PER3: variants seen among roughly 807,000 people sequenced by gnomAD.
PER3 encodes the protein period circadian protein homolog 3.
Under a neutral mutation model 127.2 loss-of-function variants are expected in PER3, and 107 were observed. The ratio of observed to expected loss-of-function variants is 0.84; its 90% CI spans 0.72 to 0.99. The LOEUF (loss-of-function observed/expected upper bound fraction) is 0.99. Among genes scored for constraint, PER3 ranks in the 50% least tolerant of loss-of-function variants. The probability of loss-of-function intolerance (pLI) is 0.00; values close to 1 mark genes in which losing one functional copy is unlikely to be tolerated. For missense variants in PER3, 1,560 were observed against 1,525.8 expected, an observed-to-expected ratio of 1.02 and a Z score of -0.37; for synonymous variants, 618 against 585.8, an observed-to-expected ratio of 1.05 and a Z score of -0.79.
intron 10 of PER3, among the ~76,000 whole-genome samples, chr1:7,806,813 ATAT>A (rs372902664): frequency 3.0e-3 from 134 of 44,060 alleles, no homozygotes; most frequent in Admixed American, 5.3e-3. Context: ...AAAAAAAAAA[ATAT>A]ATATATATAT....
At chr1:7,800,093 T>C (rs908714966) in intron 7 of PER3, among the ~76,000 whole-genome samples, 4 of 152,030 alleles carry the variant, frequency 2.6e-5, no homozygotes, top group African/African-American at 9.7e-5. Flanking sequence ...TATTTGTAAG[T>C]GGTTCCTTTG....
chr1:7,820,708 G>A, intron 16 of PER3, 68 bp downstream of exon 16: 1 of 1,298,694 alleles, frequency 7.7e-7, no homozygotes, highest in South Asian at 1.5e-5. Flanking sequence ...GAAAACAAAA[G>A]TCATGAATAC....
At position 7,784,884 on chromosome 1, in the gene PER3, C is replaced by A; in HGVS notation, c.7C>A (p.Arg3Ser). ...GCCCCGCGGAGACCTCGAGATGCCC[C>A]GCGGGGAAGCTCCTGGCCCCGGGAG... MP[R>S]GEAPGPGRRG... The change falls in exon 2 of 22, where the codon CGC becomes AGC. Residue 3 changes from arginine (R) to serine (S), a missense_variant. Coordinates refer to ENST00000377532, the MANE Select transcript of PER3 (RefSeq NM_001377275.1). 6.6e-7 allele frequency: 1 copy of A among 1,508,688 alleles called. No individual in the cohort carries two copies. Among genetic ancestry groups the A allele is most frequent in the South Asian group, 1.4e-5 (1 of 74,068 alleles). The allele number at this position is 1,508,688 out of a possible 1,614,324, so 93.5% of individuals were successfully genotyped here.
chr1:7,830,888 C>T (rs868212192), intron 19 of PER3, among the ~76,000 whole-genome samples: 1 of 152,174 alleles, frequency 6.6e-6, no homozygotes, highest in South Asian at 2.1e-4. Flanking sequence ...TCAAGTAAGT[C>T]TTGAAGCGTG....
intron 10 of PER3, among the ~76,000 whole-genome samples, chr1:7,806,853 C>G (rs2097197157): frequency 7.1e-6 from 1 of 141,240 alleles, no homozygotes; most frequent in East Asian, 2.3e-4. Flanking sequence ...CACACACACA[C>G]ATACATACAC....
intron 13 of PER3, among the ~76,000 whole-genome samples, chr1:7,811,909 C>T (rs567925711): frequency 3.3e-5 from 5 of 152,268 alleles, no homozygotes; most frequent in African/African-American, 9.6e-5. Context: ...TCTGCTGTTA[C>T]ATGTAAGGGC....
In PER3 at chr1:7,839,410, T is replaced by C. The variant is rs1267249157; in HGVS notation, c.3549+2261T>C. On this transcript the variant is annotated intron_variant, in intron 21 of 21. Transcript: ENST00000377532. ...ATAGACTACTAGTTTTCTTTGAATG[T>C]ATTAGTTTCTTAAATCATGTAGAAA... Among the ~76,000 whole-genome samples, 7 of 152,268 alleles carry C rather than the reference T, an allele frequency of 4.6e-5. 1 individual carries two copies. The highest frequency in any genetic ancestry group is 1.7e-4 in the African/African-American group (7 of 41,468).
Position 7,784,664 on chromosome 1 carries a change from T to A in PER3, c.-214T>A. 2.1e-6 allele frequency: 1 copy of A among 473,248 alleles called. No homozygotes were observed. Among genetic ancestry groups the A allele is most frequent in the Non-Finnish European group, 3.6e-6 (1 of 274,806 alleles). The allele number at this position is 473,248 out of a possible 1,614,324, so 29.3% of individuals were successfully genotyped here. Reference sequence around the variant, plus strand: ...GTCTCCTCCCCCTAGGCCGGAGTCCTGAAAGTCGAGCGAGCTCCGGGTTTT... The same window carrying A: ...GTCTCCTCCCCCTAGGCCGGAGTCCAGAAAGTCGAGCGAGCTCCGGGTTTT... On this transcript the variant is annotated 5_prime_UTR_variant, in exon 2 of 22. Coordinates refer to ENST00000377532, the MANE Select transcript of PER3 (RefSeq NM_001377275.1).
At chr1:7,812,948 G>C (rs2097227265) in intron 13 of PER3, among the ~76,000 whole-genome samples, 1 of 152,188 alleles carries the variant, frequency 6.6e-6, no homozygotes, top group Non-Finnish European at 1.5e-5. Context: ...GTTAGAAATT[G>C]ACTAGAGATG....
At chr1:7,828,441 T>A (rs1235380389) in intron 18 of PER3, among the ~76,000 whole-genome samples, 1 of 152,252 alleles carries the variant, frequency 6.6e-6, no homozygotes, top group Non-Finnish European at 1.5e-5. Flanking sequence ...CTTTGGAATC[T>A]GACGTTCCTA....
rs781334388 is a variant in PER3, at chr1:7,786,722, A to G, written c.276A>G (p.Ala92=). 7 of 1,555,676 alleles carry G rather than the reference A, an allele frequency of 4.5e-6. No individual in the cohort carries two copies. In the Admixed American group the frequency reaches 1.0e-4, roughly 22 times the overall value. Reference sequence around the variant, plus strand: ...TGTTTATCTCCCTGTGTTTCTTAGCAAACAGTGAGTTTTTCCAGATTCTCA... The same window carrying G: ...TGTTTATCTCCCTGTGTTTCTTAGCGAACAGTGAGTTTTTCCAGATTCTCA... ...YALRCVHSVQ[A]NSEFFQILSQ... Residue 92 remains alanine (A), a splice_region_variant and synonymous_variant, in exon 4 of 22, where the codon GCA becomes GCG. Transcript: ENST00000377532.
rs1247786614 is a variant in PER3 at position 7,827,515 on chromosome 1, C to T, written c.2586C>T (p.Asp862=). ...LDTFMTVFLP[D]PPVCPLLSPS... is the part of the protein sequence containing the mutation. ...CTTTTATGACCGTTTTCCTGCCTGA[C>T]CCCCCTGTCTGTCCTCTGTTGTCGC... The change falls in exon 18 of 22, where the codon GAC becomes GAT. Residue 862 remains aspartate (D), a synonymous_variant. Transcript: ENST00000377532. 7 of 1,614,024 alleles carry T rather than the reference C, an allele frequency of 4.3e-6. No homozygotes were observed. The highest frequency in any genetic ancestry group is 1.7e-5 in the Admixed American group (1 of 60,006).
chr1:7,805,068 A>T (rs1461331247), intron 10 of PER3, among the ~76,000 whole-genome samples: 2 of 152,044 alleles, frequency 1.3e-5, no homozygotes. Context: ...AGGTTTCACC[A>T]TGTTGGCCAG....
rs186296520 is a variant in PER3, at chr1:7,790,110, T to G, written c.592+1864T>G. On this transcript the variant is annotated intron_variant, in intron 5 of 21. Coordinates refer to ENST00000377532, the MANE Select transcript of PER3 (RefSeq NM_001377275.1). Reference sequence around the variant, plus strand: ...TCCCCAGGTATTTTTCCTTCAGCACTGCCTGTGGCTTTTCAGCCTTTTCAT... The same window carrying G: ...TCCCCAGGTATTTTTCCTTCAGCACGGCCTGTGGCTTTTCAGCCTTTTCAT... Among the ~76,000 whole-genome samples, 4 of 152,388 alleles carry G rather than the reference T, an allele frequency of 2.6e-5. No homozygotes were observed. The East Asian group carries it at 7.7e-4, about 29-fold the overall frequency.
intron 16 of PER3, among the ~76,000 whole-genome samples, chr1:7,821,782 C>T (rs1309062081): frequency 6.6e-6 from 1 of 152,102 alleles, no homozygotes. Context: ...ATCTTTATTC[C>T]ATGGAGAAAA....
intron 21 of PER3, among the ~76,000 whole-genome samples, chr1:7,839,869 A>C (rs1182333813): frequency 7.5e-6 from 1 of 133,786 alleles, no homozygotes; most frequent in African/African-American, 2.7e-5. Context: ...TTCTGAGTAC[A>C]TCCTAGTTGG....
intron 7 of PER3, among the ~76,000 whole-genome samples, chr1:7,800,628 C>G (rs1488086007): frequency 3.9e-5 from 6 of 152,090 alleles, no homozygotes; most frequent in Admixed American, 3.9e-4. Flanking sequence ...GCTACTAAAT[C>G]TGATTAAACT....
At chr1:7,788,348 C>T in intron 5 of PER3, 102 bp downstream of exon 5, 1 of 815,766 alleles carries the variant, frequency 1.2e-6, no homozygotes, top group Non-Finnish European at 2.0e-6. Flanking sequence ...AACATGCACA[C>T]TATCTGGTTT....
chr1:7,820,378 C>T (rs766675911), intron 15 of PER3, 89 bp from the exon 16 acceptor site: 19 of 1,424,102 alleles, frequency 1.3e-5, no homozygotes, highest in Non-Finnish European at 1.7e-5. Context: ...TTTAATTTCT[C>T]AGTTACAAAC....
Sources: gnomAD v4.1 joint callset for allele counts (sites outside exome capture counted in the v4.1 genomes callset) on GRCh38, gnomAD v4.1.1 for gene constraint, MANE v1.5 for transcripts, NCBI Gene and HGNC (gene_info 2026-07-23, HGNC 2026-07-21) for gene names.